Variants in CDH13 observed in about 807,000 individuals in gnomAD.
CDH13 encodes cadherin 13.
CDH13 carries 24 observed loss-of-function variants against 63.8 expected under a neutral mutation model. That is an observed-to-expected ratio of 0.38 (90% CI 0.27 to 0.53). CDH13 has a LOEUF of 0.53. Among genes scored for constraint, CDH13 ranks in the 20% least tolerant of loss-of-function variants. The pLI is 0.85. For missense variants in CDH13, 1,049 were observed against 903.1 expected, an observed-to-expected ratio of 1.16 and a Z score of -2.07; for synonymous variants, 503 against 355.3, an observed-to-expected ratio of 1.42 and a Z score of -4.67.
At chr16:83,375,785 G>C (rs995262368) in intron 6 of CDH13, among the ~76,000 whole-genome samples, 2 of 152,126 alleles carry the variant, frequency 1.3e-5, no homozygotes, top group African/African-American at 4.8e-5. Context: ...GAATGAACCT[G>C]TATACAAAGA....
chr16:83,367,660 A>T (rs1364401830), intron 6 of CDH13, among the ~76,000 whole-genome samples: 2 of 152,146 alleles, frequency 1.3e-5, no homozygotes, highest in Non-Finnish European at 2.9e-5. Flanking sequence ...ACACATTATT[A>T]TTGGTCTTTT....
At chr16:83,488,322 C>A (rs1170697511) in intron 7 of CDH13, among the ~76,000 whole-genome samples, 1 of 152,078 alleles carries the variant, frequency 6.6e-6, no homozygotes, top group African/African-American at 2.4e-5. Context: ...ATTTCTACTG[C>A]CTAGCATGGT....
chr16:83,654,983 G>A (rs2150826714), intron 8 of CDH13: 1 of 152,386 alleles, frequency 6.6e-6, no homozygotes, highest in Admixed American at 6.5e-5. Context: ...CCTGGCACAT[G>A]GGATGCACAG....
chr16:83,110,468 C>T (rs911166135), intron 3 of CDH13, among the ~76,000 whole-genome samples: 2 of 152,160 alleles, frequency 1.3e-5, no homozygotes, highest in Admixed American at 6.5e-5. Context: ...GAAGGGGTGC[C>T]TCCCAGAACA....
chr16:83,240,682 A>G (rs1904340436), intron 5 of CDH13, among the ~76,000 whole-genome samples: 1 of 151,012 alleles, frequency 6.6e-6, no homozygotes, highest in African/African-American at 2.4e-5. Flanking sequence ...GTAAAAAAAA[A>G]AAAAAAAACA....
intron 10 of CDH13, among the ~76,000 whole-genome samples, chr16:83,744,541 A>G (rs1265668263): frequency 6.6e-6 from 1 of 152,230 alleles, no homozygotes. Flanking sequence ...CCCCTGTCAC[A>G]GTTGCAGCAT....
chr16:83,004,709 C>A (rs953719659), intron 2 of CDH13, among the ~76,000 whole-genome samples: 3 of 152,058 alleles, frequency 2.0e-5, no homozygotes, highest in African/African-American at 7.2e-5. Context: ...GTCAGGCTGG[C>A]CTCAAACTCC....
At chr16:83,735,047 C>G (rs1911413460) in intron 10 of CDH13, among the ~76,000 whole-genome samples, 1 of 150,556 alleles carries the variant, frequency 6.6e-6, no homozygotes, top group Non-Finnish European at 1.5e-5. Context: ...AATTTGATCA[C>G]TTTATTTTGG....
At chr16:83,189,502 G>A (rs1432538358) in intron 4 of CDH13, among the ~76,000 whole-genome samples, 1 of 152,230 alleles carries the variant, frequency 6.6e-6, no homozygotes, top group African/African-American at 2.4e-5. Flanking sequence ...CACAGAGGTT[G>A]TATGTGACAG....
chr16:83,434,528 C>G (rs1023885353), intron 6 of CDH13, among the ~76,000 whole-genome samples: 5 of 151,988 alleles, frequency 3.3e-5, no homozygotes, highest in African/African-American at 9.7e-5. Context: ...AGTCCACATG[C>G]TGAAAAATCT....
In CDH13 at chr16:83,504,581, T is replaced by C. The variant is rs79835260; in HGVS notation, c.960+17926T>C. Among the ~76,000 whole-genome samples, 1,373 of 152,252 alleles carry C rather than the reference T, an allele frequency of 9.0e-3. 24 individuals are homozygous for C. Among genetic ancestry groups the C allele is most frequent in the African/African-American group, 0.031 (1,305 of 41,542 alleles). ...ACCTGGACTCCACGTTTTGGGATTC[T>C]AGCAAGATGGGACCCACTCCGGGTG... On this transcript the variant is annotated intron_variant, in intron 7 of 13. Coordinates refer to ENST00000567109, the MANE Select transcript of CDH13 (RefSeq NM_001257.5).
chr16:83,632,191 G>A (rs1037807283), intron 8 of CDH13, among the ~76,000 whole-genome samples: 1 of 151,524 alleles, frequency 6.6e-6, no homozygotes, highest in African/African-American at 2.4e-5. Flanking sequence ...GACTAGAAGG[G>A]CTGTTTTTAT....
intron 5 of CDH13, among the ~76,000 whole-genome samples, chr16:83,224,995 T>C (rs2151796732): frequency 6.6e-6 from 1 of 152,336 alleles, no homozygotes; most frequent in South Asian, 2.1e-4. Context: ...GGGAATCATC[T>C]CACTGGGCAG....
At chr16:82,748,483 T>C (rs559306913) in intron 1 of CDH13, among the ~76,000 whole-genome samples, 3 of 152,320 alleles carry the variant, frequency 2.0e-5, no homozygotes, top group Non-Finnish European at 4.4e-5. Context: ...CTTTTCTGAA[T>C]TGAGCTTTGG....
chr16:83,324,670 C>G (rs1480687482), intron 5 of CDH13, among the ~76,000 whole-genome samples: 2 of 152,186 alleles, frequency 1.3e-5, no homozygotes. Context: ...TGGGTTGTTT[C>G]TACCTTTTGA....
At chr16:83,320,676 C>A (rs1425443480) in intron 5 of CDH13, among the ~76,000 whole-genome samples, 5 of 151,998 alleles carry the variant, frequency 3.3e-5, no homozygotes, top group Admixed American at 3.3e-4. Flanking sequence ...TGCTGCAAGT[C>A]AAAAAAGGAG....
intron 2 of CDH13, among the ~76,000 whole-genome samples, chr16:82,865,418 G>A (rs1457153239): frequency 6.6e-6 from 1 of 152,218 alleles, no homozygotes; most frequent in Admixed American, 6.5e-5. Flanking sequence ...TGAAATCTAG[G>A]CAGAAGTTCC....
In CDH13 at chr16:83,635,941, T is replaced by C. The variant is rs557365895; in HGVS notation, c.1101+33347T>C. Among the ~76,000 whole-genome samples the C allele has an allele frequency of 2.0e-5, 3 of 152,344 alleles. No individual in the cohort carries two copies. In the East Asian group the frequency reaches 5.8e-4, roughly 29 times the overall value. ...TCTACAAATTTTTATAGTTGTATTT[T>C]TACATCTAAGTCCATGATCCTTTCG... On this transcript the variant is annotated intron_variant, in intron 8 of 13. Transcript: ENST00000567109.
At chr16:83,348,631 A>T (rs2090889046) in intron 6 of CDH13, among the ~76,000 whole-genome samples, 1 of 152,226 alleles carries the variant, frequency 6.6e-6, no homozygotes, top group Non-Finnish European at 1.5e-5. Flanking sequence ...GTCACAAATT[A>T]TGTGGCTGTT....
Sources: allele counts gnomAD v4.1 joint callset (sites outside exome capture counted in the v4.1 genomes callset), GRCh38; gene constraint gnomAD v4.1.1; transcripts MANE v1.5; gene names NCBI Gene and HGNC (gene_info 2026-07-23, HGNC 2026-07-21).